Variants in TMC1 observed in about 807,000 individuals in gnomAD.
The protein encoded by TMC1 is transmembrane channel like 1, also known as transmembrane channel-like protein 1.
In TMC1, 84 loss-of-function variants were observed where a neutral mutation model predicts 105.8. The ratio of observed to expected loss-of-function variants is 0.79; its 90% confidence interval spans 0.67 to 0.95. The LOEUF (loss-of-function observed/expected upper bound fraction) is 0.95. Among genes scored for constraint, TMC1 ranks in the 40% least tolerant of loss-of-function variants. The pLI is 0.00. For missense variants in TMC1, 817 were observed against 914.1 expected (o/e 0.89, Z 1.37); for synonymous variants, 315 against 311.5 (o/e 1.01, Z -0.12).
rs748342146 is a variant in TMC1, at chr9:72,788,441, A to C, written c.987A>C (p.Glu329Asp). The change falls in exon 14 of 24, where the codon GAA becomes GAC. Residue 329 changes from glutamate (E) to aspartate (D), a missense_variant. By Grantham distance (45) the Glu-to-Asp change is conservative. Transcript: ENST00000297784. ...TSWDYLIGNP[E>D]TADNKFNSIT... is the part of the protein sequence containing the mutation. The stretch of plus-strand genomic sequence containing the variant: ...GGGACTACCTGATCGGCAATCCTGA[A>C]ACAGCAGACAACAAATTTAATTCTA... The C allele has an allele frequency of 1.1e-5, 18 of 1,614,050 alleles. No homozygotes were observed. The highest frequency in any genetic ancestry group is 1.5e-5 in the Non-Finnish European group (18 of 1,179,924).
chr9:72,801,023 C>A (rs1828461384), intron 17 of TMC1, among the ~76,000 whole-genome samples: 1 of 152,106 alleles, frequency 6.6e-6, no homozygotes, highest in African/African-American at 2.4e-5. Flanking sequence ...AGATATGCAC[C>A]CTCATTCATT....
At chr9:72,643,359 C>T (rs1409693534) in intron 4 of TMC1, among the ~76,000 whole-genome samples, 3 of 152,014 alleles carry the variant, frequency 2.0e-5, no homozygotes, top group African/African-American at 4.8e-5. Context: ...AATTGATATG[C>T]AGTAAACTAC....
intron 5 of TMC1, 99 bp downstream of exon 5, chr9:72,648,763 C>A: frequency 9.1e-7 from 1 of 1,101,432 alleles, no homozygotes; most frequent in Non-Finnish European, 1.4e-6. Context: ...AATTTTTGTT[C>A]CCTCTTTTGG....
intron 18 of TMC1, among the ~76,000 whole-genome samples, chr9:72,809,652 G>A (rs1828663209): frequency 6.6e-6 from 1 of 152,180 alleles, no homozygotes; most frequent in Admixed American, 6.5e-5. Flanking sequence ...TTTTTGTTTG[G>A]TATGCCCAGT....
At chr9:72,707,041 C>A (rs1826753968) in intron 8 of TMC1, among the ~76,000 whole-genome samples, 1 of 152,224 alleles carries the variant, frequency 6.6e-6, no homozygotes, top group African/African-American at 2.4e-5. Context: ...TCCCAAAGTG[C>A]TGGGATTACA....
intron 3 of TMC1, among the ~76,000 whole-genome samples, chr9:72,624,868 AGGATGACCT>A (rs2132130555): frequency 6.6e-6 from 1 of 152,376 alleles, no homozygotes; most frequent in African/African-American, 2.4e-5. Context: ...GGAAGTAGTG[AGGATGACCT>A]GGATTTTCCA....
At chr9:72,787,191 AAGG>A (rs1245326585) in intron 13 of TMC1, among the ~76,000 whole-genome samples, 1 of 152,184 alleles carries the variant, frequency 6.6e-6, no homozygotes, top group Non-Finnish European at 1.5e-5. Flanking sequence ...TATCTGTAAA[AAGG>A]AGAGTAACTA....
intron 1 of TMC1, among the ~76,000 whole-genome samples, chr9:72,571,564 A>G (rs1291847668): frequency 6.7e-6 from 1 of 150,324 alleles, no homozygotes; most frequent in East Asian, 2.0e-4. Flanking sequence ...CTCCTGCCTC[A>G]GCCTCCCGAG....
Position 72,555,973 on chromosome 9 carries a change from C to CAAAAAAAAA in TMC1, c.-427-21906_-427-21898dup, listed in dbSNP as rs59431883. ...CAGGAAAACCAATCTATGACTAAGG[C>CAAAAAAAAA]AAAAAAAAAAAAAAAAAAAAAAAAA... On this transcript the variant is annotated intron_variant, in intron 1 of 23. Coordinates refer to ENST00000297784, the MANE Select transcript of TMC1 (RefSeq NM_138691.3). 1.2e-4 allele frequency among the ~76,000 whole-genome samples: 5 copies of CAAAAAAAAA among 42,578 alleles called. 1 individual carries two copies. The highest frequency in any genetic ancestry group is 3.8e-4 in the African/African-American group (4 of 10,480). 27.9% of individuals were successfully genotyped at this position (42,578 alleles called of 152,430 possible).
intron 7 of TMC1, among the ~76,000 whole-genome samples, chr9:72,699,678 C>T (rs576389385): frequency 9.9e-5 from 15 of 151,998 alleles, no homozygotes; most frequent in East Asian, 5.8e-4. Context: ...TTGCTTAGGG[C>T]GGGTGCGGTG....
At chr9:72,542,960 T>C (rs1054411259) in intron 1 of TMC1, among the ~76,000 whole-genome samples, 1 of 152,034 alleles carries the variant, frequency 6.6e-6, no homozygotes, top group African/African-American at 2.4e-5. Flanking sequence ...ATTACAGATA[T>C]GAGCCACCGC....
intron 10 of TMC1, among the ~76,000 whole-genome samples, chr9:72,743,287 A>C (rs1205052369): frequency 1.3e-5 from 2 of 150,356 alleles, no homozygotes; most frequent in Non-Finnish European, 3.0e-5. Flanking sequence ...GAATGGCGTG[A>C]ACCCAGGAGG....
At chr9:72,814,625 T>C (rs1828753370) in intron 18 of TMC1, among the ~76,000 whole-genome samples, 1 of 152,218 alleles carries the variant, frequency 6.6e-6, no homozygotes, top group African/African-American at 2.4e-5. Context: ...CCTTGAGGGT[T>C]AACCATTCCT....
intron 13 of TMC1, among the ~76,000 whole-genome samples, chr9:72,779,609 A>G (rs950783900): frequency 2.0e-5 from 3 of 152,266 alleles, no homozygotes; most frequent in Non-Finnish European, 4.4e-5. Context: ...CAATAATTTC[A>G]TAATACAATT....
chr9:72,816,388 A>G (rs1383094717), intron 19 of TMC1, among the ~76,000 whole-genome samples, 178 bp downstream of exon 19: 1 of 152,220 alleles, frequency 6.6e-6, no homozygotes, highest in Non-Finnish European at 1.5e-5. Context: ...AATGTCAGTC[A>G]TCAAAGGTGT....
intron 17 of TMC1, 23 bp downstream of exon 17, chr9:72,792,375 A>G: frequency 6.2e-7 from 1 of 1,613,734 alleles, no homozygotes; most frequent in Non-Finnish European, 8.5e-7. Flanking sequence ...ACAGAAGTGT[A>G]TGGCAATTAG....
At chr9:72,650,408 G>A (rs967684838) in intron 5 of TMC1, among the ~76,000 whole-genome samples, 5 of 152,080 alleles carry the variant, frequency 3.3e-5, no homozygotes, top group South Asian at 4.1e-4. Flanking sequence ...TCAGTGATGC[G>A]TCACTGTGAT....
intron 10 of TMC1, among the ~76,000 whole-genome samples, chr9:72,744,362 T>C (rs1827451864): frequency 6.6e-6 from 1 of 152,198 alleles, no homozygotes; most frequent in Non-Finnish European, 1.5e-5. Context: ...TAAATATGTA[T>C]TGAATAAAAT....
intron 17 of TMC1, among the ~76,000 whole-genome samples, chr9:72,794,104 C>G (rs1342564194): frequency 6.6e-6 from 1 of 152,052 alleles, no homozygotes; most frequent in Non-Finnish European, 1.5e-5. Context: ...TGTCACCAGA[C>G]AGGGAACCCC....
Sources: gnomAD v4.1 joint callset for allele counts (sites outside exome capture counted in the v4.1 genomes callset) on GRCh38, gnomAD v4.1.1 for gene constraint, MANE v1.5 for transcripts, NCBI Gene and HGNC (gene_info 2026-07-23, HGNC 2026-07-21) for gene names.